Variants in MYRFL observed in about 807,000 individuals in gnomAD.
MYRFL encodes the protein myelin regulatory factor like.
MYRFL carries 88 observed loss-of-function variants against 109.4 expected under a neutral mutation model. The ratio of observed to expected loss-of-function variants is 0.80; its 90% CI spans 0.68 to 0.96. MYRFL has a LOEUF of 0.96. Among genes scored for constraint, MYRFL ranks in the 40% least tolerant of loss-of-function variants. MYRFL has a pLI of 0.00. For synonymous variants in MYRFL, 324 were observed against 320.9 expected, an observed-to-expected ratio of 1.01 and a Z score of -0.10; for missense variants, 957 against 954.9, an observed-to-expected ratio of 1.00 and a Z score of -0.03.
chr12:69,853,475 C>T (rs1258991628), intron 1 of MYRFL, among the ~76,000 whole-genome samples: 4 of 150,386 alleles, frequency 2.7e-5, no homozygotes, highest in Admixed American at 6.6e-5. Context: ...AGTTCCCAGA[C>T]GGAGTCGCGG....
At chr12:69,935,209 A>G (rs1352778459) in intron 16 of MYRFL, among the ~76,000 whole-genome samples, 2 of 151,978 alleles carry the variant, frequency 1.3e-5, no homozygotes, top group South Asian at 2.1e-4. Flanking sequence ...TGTGTATCCT[A>G]ATGATGGTAA....
At chr12:69,918,000 T>C (rs572791664) in intron 13 of MYRFL, among the ~76,000 whole-genome samples, 2 of 151,830 alleles carry the variant, frequency 1.3e-5, no homozygotes, top group South Asian at 4.2e-4. Context: ...AAGATGTTAA[T>C]TAAGGAGGGA....
chr12:69,887,085 G>A, intron 6 of MYRFL, 115 bp downstream of exon 6: 2 of 1,096,638 alleles, frequency 1.8e-6, no homozygotes, highest in Non-Finnish European at 2.6e-6. Context: ...GCAAATCAGT[G>A]AGAAAGTGTC....
chr12:69,957,944 T>C lies in MYRFL; in HGVS notation c.2571+2T>C. The C allele has an allele frequency of 5.9e-6, 9 of 1,530,036 alleles. No individual in the cohort carries two copies. The highest frequency in any genetic ancestry group is 7.9e-6 in the Non-Finnish European group (9 of 1,142,270). 94.8% of individuals were successfully genotyped at this position (1,530,036 alleles called of 1,614,324 possible). ...GAAATCTCCCAGGAGATGACACAGG[T>C]AATGTTTTCTGCCTCCTCTCTTCCC... On this transcript the variant is annotated splice_donor_variant, in intron 23 of 24. Transcript: ENST00000552032. LOFTEE classifies it high-confidence loss of function.
At chr12:69,848,129 A>G (rs1297793676) in intron 1 of MYRFL, among the ~76,000 whole-genome samples, 2 of 152,058 alleles carry the variant, frequency 1.3e-5, no homozygotes, top group African/African-American at 4.8e-5. Context: ...AATTCTCATA[A>G]GTATGTTTGG....
At chr12:69,937,502 A>C (rs1278120311) in intron 19 of MYRFL, among the ~76,000 whole-genome samples, 1 of 152,234 alleles carries the variant, frequency 6.6e-6, no homozygotes, top group African/African-American at 2.4e-5. Flanking sequence ...AGTCCAGCTG[A>C]TGAAGATTCC....
At chr12:69,878,172 G>A (rs1489836663) in intron 2 of MYRFL, among the ~76,000 whole-genome samples, 3 of 149,952 alleles carry the variant, frequency 2.0e-5, no homozygotes, top group Non-Finnish European at 4.4e-5. Flanking sequence ...GAACCTGGGA[G>A]GTGGAGGTTG....
Position 69,903,770 on chromosome 12 carries a change from G to T in MYRFL, c.1309G>T (p.Val437Phe), listed in dbSNP as rs1954265775. 3.3e-6 allele frequency: 5 copies of T among 1,535,670 alleles called. No homozygotes were observed. In the South Asian group the frequency reaches 3.6e-5, roughly 11 times the overall value. ...AGATGCGCCGGACGAAGCCCTGGTT[G>T]TCTGTGGCAACATGAAAGTGATGGG... ...NTDAPDEALV[V>F]CGNMKVMGTI... is the part of the protein sequence containing the mutation. The change falls in exon 11 of 25, where the codon GTC becomes TTC. Residue 437 changes from valine to phenylalanine, a missense_variant. Val to Phe is a conservative substitution (Grantham distance 50). Coordinates refer to ENST00000552032, the MANE Select transcript of MYRFL (RefSeq NM_182530.3).
intron 2 of MYRFL, among the ~76,000 whole-genome samples, chr12:69,873,040 A>T (rs1885446122): frequency 6.6e-6 from 1 of 152,202 alleles, no homozygotes; most frequent in Non-Finnish European, 1.5e-5. Flanking sequence ...CCTCTACTGG[A>T]TGCCTGAAAC....
intron 2 of MYRFL, among the ~76,000 whole-genome samples, chr12:69,878,345 T>C (rs977204384): frequency 6.6e-6 from 1 of 152,018 alleles, no homozygotes; most frequent in Admixed American, 6.6e-5. Context: ...ACCCCTGAAC[T>C]CCTTTTAAGA....
chr12:69,860,274 A>G (rs1221385407), intron 2 of MYRFL, among the ~76,000 whole-genome samples: 1 of 152,196 alleles, frequency 6.6e-6, no homozygotes. Context: ...TGCAAAGGAC[A>G]TGATCTCATT....
intron 2 of MYRFL, among the ~76,000 whole-genome samples, chr12:69,873,859 C>T (rs1885502403): frequency 2.0e-5 from 3 of 151,070 alleles, no homozygotes; most frequent in African/African-American, 4.9e-5. Flanking sequence ...TTTTTTGGCC[C>T]CTTCTGTTTC....
chr12:69,953,492 G>A (rs927913660), intron 21 of MYRFL, among the ~76,000 whole-genome samples: 6 of 152,114 alleles, frequency 3.9e-5, no homozygotes, highest in South Asian at 2.1e-4. Context: ...AGGGCTGGGC[G>A]TGGTGGCTCA....
intron 21 of MYRFL, among the ~76,000 whole-genome samples, chr12:69,954,456 A>T (rs574788476): frequency 6.6e-6 from 1 of 152,180 alleles, no homozygotes; most frequent in African/African-American, 2.4e-5. Flanking sequence ...TTGCACTCTT[A>T]TTTTTTTCAG....
intron 22 of MYRFL, 22 bp downstream of exon 22, chr12:69,955,459 AC>A (rs1956071970): frequency 1.8e-6 from 1 of 570,258 alleles, no homozygotes; most frequent in Non-Finnish European, 3.1e-6. Flanking sequence ...GCTGTAAAAA[AC>A]AATTTCATTT....
At chr12:69,887,476 T>A (rs1003305347) in intron 6 of MYRFL, among the ~76,000 whole-genome samples, 42 of 152,266 alleles carry the variant, frequency 2.8e-4, no homozygotes, top group African/African-American at 1.0e-3. Context: ...AGTCAAATCA[T>A]ACAAAACATC....
intron 1 of MYRFL, among the ~76,000 whole-genome samples, chr12:69,846,529 T>A (rs1233560958): frequency 6.6e-6 from 1 of 152,112 alleles, no homozygotes; most frequent in Non-Finnish European, 1.5e-5. Flanking sequence ...CATGAACTCA[T>A]CATTTTTTTA....
At chr12:69,900,998 A>T (rs905941356) in intron 10 of MYRFL, among the ~76,000 whole-genome samples, 2 of 152,170 alleles carry the variant, frequency 1.3e-5, no homozygotes, top group Admixed American at 1.3e-4. Context: ...TGCACACATG[A>T]TTTCACTTAA....
intron 1 of MYRFL, among the ~76,000 whole-genome samples, chr12:69,830,756 A>G (rs1882583127): frequency 1.3e-5 from 2 of 152,150 alleles, no homozygotes; most frequent in Non-Finnish European, 2.9e-5. Context: ...TAGAATTTGA[A>G]GTGTGCCGTA....
Sources: allele counts gnomAD v4.1 joint callset (sites outside exome capture counted in the v4.1 genomes callset), GRCh38; gene constraint gnomAD v4.1.1; transcripts MANE v1.5; gene names NCBI Gene and HGNC (gene_info 2026-07-23, HGNC 2026-07-21).